Variants in FAHD2B observed in about 807,000 individuals in gnomAD.
FAHD2B encodes fumarylacetoacetate hydrolase domain containing 2B.
FAHD2B carries 26 observed loss-of-function variants against 33.7 expected under a neutral mutation model. The ratio of observed to expected loss-of-function variants is 0.77; its 90% CI spans 0.57 to 1.07. FAHD2B has a LOEUF of 1.07. FAHD2B is among the 50% of genes least tolerant of loss of function. The pLI, the probability that FAHD2B is intolerant of heterozygous loss-of-function variation, is 0.00. For synonymous variants in FAHD2B, 108 were observed against 150.9 expected, an observed-to-expected ratio of 0.72 and a Z score of 2.08; for missense variants, 272 against 388.1, an observed-to-expected ratio of 0.70 and a Z score of 2.51.
At chr2:97,079,899 A>C (rs975400612), downstream of FAHD2B, among the ~76,000 whole-genome samples, 107 of 152,120 alleles carry the variant, frequency 7.0e-4, 1 homozygote, top group African/African-American at 2.2e-3. Flanking sequence ...TTCTGACCTC[A>C]GGTGATCCTC....
intron 1 of FAHD2B, among the ~76,000 whole-genome samples, chr2:97,092,517 A>C (rs2032410729): frequency 6.6e-6 from 1 of 152,130 alleles, no homozygotes; most frequent in African/African-American, 2.4e-5. Context: ...TTCACTGCCC[A>C]GCACTGTGCC....
chr2:97,082,597 T>G, downstream of FAHD2B: 1 of 1,574,010 alleles, frequency 6.4e-7, no homozygotes. Context: ...CTGTCCAGTC[T>G]GAGTTCTATC....
chr2:97,081,076 C>T (rs538313385), downstream of FAHD2B: 5 of 1,510,020 alleles, frequency 3.3e-6, no homozygotes, highest in Admixed American at 4.5e-5. Flanking sequence ...CGGCTCCTTC[C>T]TCATAATGGA....
downstream of FAHD2B, chr2:97,081,341 C>A: frequency 6.4e-7 from 1 of 1,559,780 alleles, no homozygotes; most frequent in South Asian, 1.2e-5. Context: ...CCTCTGAAAC[C>A]TCCTGGGTGG....
At chr2:97,082,655 G>T (rs936610128), downstream of FAHD2B, 21 of 1,552,784 alleles carry the variant, frequency 1.4e-5, 1 homozygote, top group Non-Finnish European at 1.8e-5. Flanking sequence ...GTGCCCAGTG[G>T]CTCCCTGTCC....
chr2:97,094,168 G>A (rs1439735361), intron 1 of FAHD2B, among the ~76,000 whole-genome samples: 14 of 152,118 alleles, frequency 9.2e-5, no homozygotes, highest in Admixed American at 2.0e-4. Context: ...TCTGGCTATT[G>A]CCTCAGGGAC....
chr2:97,079,750 C>T (rs2031584151), downstream of FAHD2B, among the ~76,000 whole-genome samples: 2 of 151,752 alleles, frequency 1.3e-5, no homozygotes, highest in Admixed American at 6.6e-5. Context: ...CGGCAACCTC[C>T]ACCTCCTGGG....
downstream of FAHD2B, among the ~76,000 whole-genome samples, chr2:97,080,836 T>A (rs1214384179): frequency 1.3e-5 from 2 of 152,104 alleles, no homozygotes; most frequent in Non-Finnish European, 2.9e-5. Context: ...ACCTTATTCT[T>A]CTTGTAGCAA....
chr2:97,078,854 T>G (rs2031563288), downstream of FAHD2B, among the ~76,000 whole-genome samples: 1 of 152,086 alleles, frequency 6.6e-6, no homozygotes, highest in Non-Finnish European at 1.5e-5. Context: ...ACATATTATT[T>G]CATCACCCAG....
chr2:97,080,829 T>C (rs1265813477), downstream of FAHD2B, among the ~76,000 whole-genome samples: 1 of 152,108 alleles, frequency 6.6e-6, no homozygotes, highest in Non-Finnish European at 1.5e-5. Flanking sequence ...GCCAGGTACC[T>C]TATTCTTCTT....
Position 97,085,746 on chromosome 2 carries a change from G to C in FAHD2B, c.638C>G (p.Thr213Ser). 6.2e-7 allele frequency: 1 copy of C among 1,613,810 alleles called. No individual in the cohort carries two copies. The highest frequency in any genetic ancestry group is 8.5e-7 in the Non-Finnish European group (1 of 1,179,856). ...CAAGGCAGGGCCCAGAGGGCAGAAG[G>C]TGTCGAAGGTTTTTCCCAGCAGCCA... ...KQWLLGKTFD[T>S]FCPLGPALVT... Residue 213 changes from threonine (T) to serine (S), a missense_variant, in exon 6 of 9, where the codon ACC becomes AGC. By Grantham distance (58) the Thr-to-Ser change is moderately conservative (BLOSUM62 1). Coordinates refer to ENST00000414820, the MANE Select transcript of FAHD2B (RefSeq NM_001320848.2).
At chr2:97,084,625 G>C (rs1470472938) in intron 6 of FAHD2B, among the ~76,000 whole-genome samples, 1 of 152,054 alleles carries the variant, frequency 6.6e-6, no homozygotes, top group African/African-American at 2.4e-5. Flanking sequence ...CTCCCGGGCA[G>C]GGCCAAGCGT....
chr2:97,082,164 G>T (rs2031668051), downstream of FAHD2B: 5 of 1,540,848 alleles, frequency 3.2e-6, 1 homozygote, highest in Non-Finnish European at 4.4e-6. Flanking sequence ...AGGTGGTGGG[G>T]AGCTGCACTC....
chr2:97,084,427 T>C, intron 6 of FAHD2B, 150 bp from the exon 7 acceptor site: 7 of 857,732 alleles, frequency 8.2e-6, no homozygotes, highest in Non-Finnish European at 1.3e-5. Flanking sequence ...ATGTTAGAAC[T>C]TTCTGTATAG....
At chr2:97,093,362 G>T (rs959850302) in intron 1 of FAHD2B, among the ~76,000 whole-genome samples, 1 of 151,864 alleles carries the variant, frequency 6.6e-6, no homozygotes, top group Non-Finnish European at 1.5e-5. Context: ...TCAAAAGGCT[G>T]TTCGAGCCAA....
Position 97,085,748 on chromosome 2 carries a change from G to A in FAHD2B, c.636C>T (p.Asp212=), listed in dbSNP as rs749897931. Reference sequence around the variant, plus strand: ...AGGCAGGGCCCAGAGGGCAGAAGGTGTCGAAGGTTTTTCCCAGCAGCCACT... The same window carrying A: ...AGGCAGGGCCCAGAGGGCAGAAGGTATCGAAGGTTTTTCCCAGCAGCCACT... The part of the protein sequence containing the change: ...GKQWLLGKTF[D]TFCPLGPALV... The change falls in exon 6 of 9, where the codon GAC becomes GAT. Residue 212 remains aspartate, a synonymous_variant. Transcript: ENST00000414820. The A allele has an allele frequency of 6.2e-7, 1 of 1,613,840 alleles. No individual in the cohort carries two copies. Among genetic ancestry groups the A allele is most frequent in the South Asian group, 1.1e-5 (1 of 90,996 alleles).
intron 4 of FAHD2B, 119 bp from the exon 5 acceptor site, chr2:97,086,317 T>C (rs115507803): frequency 0.084 from 119,479 of 1,427,092 alleles, 5,915 homozygotes; most frequent in Middle Eastern, 0.15. Flanking sequence ...ACGTTTGCCA[T>C]CACCCTGAAC....
chr2:97,080,260 A>AT (rs1449446901), downstream of FAHD2B, among the ~76,000 whole-genome samples: 2 of 151,950 alleles, frequency 1.3e-5, no homozygotes, highest in East Asian at 1.9e-4. Flanking sequence ...TCTTCAGCTG[A>AT]TTTTTTTATT....
At chr2:97,082,709 C>T (rs1470213573), downstream of FAHD2B, 16 of 1,587,856 alleles carry the variant, frequency 1.0e-5, no homozygotes, top group Middle Eastern at 3.3e-4. Flanking sequence ...CCAGAGTGTG[C>T]GGACCCAAAG....
Sources: allele counts gnomAD v4.1 joint callset (sites outside exome capture counted in the v4.1 genomes callset), GRCh38; gene constraint gnomAD v4.1.1; transcripts MANE v1.5; gene names NCBI Gene and HGNC (gene_info 2026-07-23, HGNC 2026-07-21).